PHF20: variants seen among roughly 807,000 people sequenced by gnomAD.
PHF20 encodes PHD finger protein 20, also known as glioma-expressed antigen 2.
Under a neutral mutation model 113.5 loss-of-function variants are expected in PHF20, and 23 were observed. The observed-to-expected ratio is 0.20, with a 90% confidence interval of 0.15 to 0.29. The LOEUF (loss-of-function observed/expected upper bound fraction) is 0.29, where lower values mean the gene tolerates loss of function less well. PHF20 is among the 10% of genes least tolerant of loss of function. The pLI is 1.00. For missense variants in PHF20, 943 were observed against 1,219.6 expected (o/e 0.77, Z 3.38); for synonymous variants, 434 against 457.3 (o/e 0.95, Z 0.65).
At chr20:35,847,297 C>A in intron 3 of PHF20, 53 bp from the exon 4 acceptor site, 1 of 1,211,516 alleles carries the variant, frequency 8.3e-7, no homozygotes, top group Non-Finnish European at 1.2e-6. Context: ...TCCTGTATGT[C>A]CTGTGAAATT....
At position 35,881,279 on chromosome 20, in the gene PHF20, A is replaced by G. The variant is rs1479923658; in HGVS notation, c.1282+9450A>G. Among the ~76,000 whole-genome samples, 4 of 152,010 alleles carry G rather than the reference A, an allele frequency of 2.6e-5. No homozygotes were observed. In the East Asian group the frequency reaches 7.8e-4, roughly 30 times the overall value. ...CACCATGTTGGCCAGGCTAGTCTTG[A>G]ACTCCTGACCTCAGGTGATCCACCC... On this transcript the variant is annotated intron_variant, in intron 9 of 17. Coordinates refer to ENST00000374012, the MANE Select transcript of PHF20 (RefSeq NM_016436.5).
intron 1 of PHF20, among the ~76,000 whole-genome samples, chr20:35,788,464 T>C (rs892557209): frequency 4.6e-5 from 7 of 152,044 alleles, no homozygotes; most frequent in Non-Finnish European, 8.8e-5. Flanking sequence ...ACTCCTGGCC[T>C]CACTCAAGTG....
chr20:35,884,389 T>C (rs2054687955), intron 9 of PHF20, among the ~76,000 whole-genome samples: 1 of 152,152 alleles, frequency 6.6e-6, no homozygotes, highest in Admixed American at 6.5e-5. Flanking sequence ...ACATCTAGTC[T>C]AGGGCTAGCT....
chr20:35,927,921 T>C lies in PHF20; in HGVS notation c.2104+42T>C, dbSNP rs779932181. 1.6e-5 allele frequency: 22 copies of C among 1,359,344 alleles called. No individual in the cohort carries two copies. In the South Asian group the frequency reaches 2.6e-4, roughly 16 times the overall value. The allele number at this position is 1,359,344 out of a possible 1,614,324, so 84.2% of individuals were successfully genotyped here. On this transcript the variant is annotated intron_variant, in intron 14 of 17. Transcript: ENST00000374012. ...TCAGGGATATAACAGTATGTAGCCT[T>C]TTCCTTGGCACAGCTGGCTGTGACA...
At chr20:35,899,965 T>G (rs550212410) in intron 10 of PHF20, among the ~76,000 whole-genome samples, 3 of 152,308 alleles carry the variant, frequency 2.0e-5, no homozygotes, top group Admixed American at 6.5e-5. Context: ...CAGAGCAGCA[T>G]GGGTGCCATC....
At chr20:35,882,663 G>A (rs975770764) in intron 9 of PHF20, among the ~76,000 whole-genome samples, 2 of 152,178 alleles carry the variant, frequency 1.3e-5, no homozygotes, top group Admixed American at 6.5e-5. Flanking sequence ...CTGGGCCTCC[G>A]CCTTGGCCTC....
chr20:35,799,353 C>G (rs2041733933), intron 1 of PHF20, among the ~76,000 whole-genome samples: 1 of 147,844 alleles, frequency 6.8e-6, no homozygotes, highest in Admixed American at 6.8e-5. Context: ...GTGATTCCAG[C>G]TACTCGGGAG....
At chr20:35,805,791 A>T (rs1032113668) in intron 2 of PHF20, among the ~76,000 whole-genome samples, 1 of 152,096 alleles carries the variant, frequency 6.6e-6, no homozygotes, top group African/African-American at 2.4e-5. Context: ...ATATAAATTT[A>T]ACTGAAACAC....
chr20:35,845,939 C>G (rs768244501), intron 3 of PHF20, among the ~76,000 whole-genome samples: 21 of 151,962 alleles, frequency 1.4e-4, no homozygotes, highest in Non-Finnish European at 2.8e-4. Context: ...CCACACCTGG[C>G]TAATGTTTGT....
intron 17 of PHF20, among the ~76,000 whole-genome samples, chr20:35,943,222 C>T (rs904626834): frequency 1.3e-5 from 2 of 151,664 alleles, no homozygotes; most frequent in Non-Finnish European, 2.9e-5. Flanking sequence ...GTGGTGCACA[C>T]GTATAATCCT....
chr20:35,945,804 C>G (rs1339595084), intron 17 of PHF20, among the ~76,000 whole-genome samples: 1 of 152,114 alleles, frequency 6.6e-6, no homozygotes, highest in Non-Finnish European at 1.5e-5. Context: ...CTTGTTCTCA[C>G]AAGCAAGACA....
intron 5 of PHF20, among the ~76,000 whole-genome samples, chr20:35,859,837 G>A (rs1363433285): frequency 6.6e-6 from 1 of 152,086 alleles, no homozygotes; most frequent in Non-Finnish European, 1.5e-5. Context: ...GAGCCATTGC[G>A]CCTGGCCCTC....
chr20:35,844,264 G>A (rs2042581004), intron 3 of PHF20, among the ~76,000 whole-genome samples: 1 of 151,790 alleles, frequency 6.6e-6, no homozygotes, highest in African/African-American at 2.4e-5. Flanking sequence ...CACCACACCT[G>A]GCTAATTTTT....
chr20:35,790,170 C>A (rs79505322), intron 1 of PHF20, among the ~76,000 whole-genome samples: 2 of 151,468 alleles, frequency 1.3e-5, no homozygotes, highest in African/African-American at 2.4e-5. Flanking sequence ...ACAGTAGTAA[C>A]CCTGCAAGCT....
intron 3 of PHF20, among the ~76,000 whole-genome samples, chr20:35,846,149 G>A (rs1431189320): frequency 6.7e-6 from 1 of 149,928 alleles, no homozygotes; most frequent in Non-Finnish European, 1.5e-5. Flanking sequence ...ATTCAGTATT[G>A]TTCCATTTGA....
intron 17 of PHF20, 55 bp downstream of exon 17, chr20:35,941,102 A>G: frequency 1.4e-6 from 2 of 1,467,810 alleles, no homozygotes; most frequent in Non-Finnish European, 1.9e-6. Flanking sequence ...GCACCCCCAG[A>G]CGAGCTGCTT....
intron 2 of PHF20, among the ~76,000 whole-genome samples, chr20:35,817,689 T>A (rs895286734): frequency 2.0e-5 from 3 of 152,068 alleles, no homozygotes; most frequent in Non-Finnish European, 2.9e-5. Context: ...TCCCAGCTAC[T>A]CAGGAGACAG....
At position 35,863,351 on chromosome 20, in the gene PHF20, G is replaced by A. The variant is rs376891422; in HGVS notation, c.759G>A (p.Leu253=). ...TTGTGAAGAGTCCACAAGAAAACTTGAGGGAACCCAAAAGAAAACGAGGCA... is the reference window on the plus strand; with the variant it reads ...TTGTGAAGAGTCCACAAGAAAACTTAAGGGAACCCAAAAGAAAACGAGGCA... The part of the protein sequence containing the change: ...NDIVKSPQEN[L]REPKRKRGRP... Residue 253 remains leucine, a synonymous_variant, in exon 6 of 18, where the codon TTG becomes TTA. Transcript: ENST00000374012. 1.9e-6 allele frequency: 3 copies of A among 1,609,150 alleles called. No individual in the cohort carries two copies. The highest frequency in any genetic ancestry group is 2.5e-6 in the Non-Finnish European group (3 of 1,178,890).
intron 6 of PHF20, among the ~76,000 whole-genome samples, chr20:35,865,022 C>T (rs1333108347): frequency 6.6e-6 from 1 of 151,768 alleles, no homozygotes; most frequent in Non-Finnish European, 1.5e-5. Context: ...CCCGTCTCTA[C>T]TGAAAAAATA....
Sources: allele counts gnomAD v4.1 joint callset (sites outside exome capture counted in the v4.1 genomes callset), GRCh38; gene constraint gnomAD v4.1.1; transcripts MANE v1.5; gene names NCBI Gene and HGNC (gene_info 2026-07-23, HGNC 2026-07-21).